The following GALNTL6 variants were observed in gnomAD, a reference collection of about 807,000 sequenced individuals.
GALNTL6 encodes polypeptide N-acetylgalactosaminyltransferase-like 6.
A neutral mutation model predicts 73.7 loss-of-function variants in GALNTL6; 46 were observed. That is an observed-to-expected ratio of 0.62 (90% CI 0.49 to 0.80). The LOEUF (loss-of-function observed/expected upper bound fraction) is 0.80. Among genes scored for constraint, GALNTL6 ranks in the 30% least tolerant of loss-of-function variants. The pLI, the probability that GALNTL6 is intolerant of heterozygous loss-of-function variation, is 0.00. For missense variants in GALNTL6, 604 were observed against 755.0 expected (o/e 0.80, Z 2.34); for synonymous variants, 259 against 263.7 (o/e 0.98, Z 0.17).
At chr4:172,731,509 T>C (rs1736148772) in intron 5 of GALNTL6, among the ~76,000 whole-genome samples, 1 of 152,150 alleles carries the variant, frequency 6.6e-6, no homozygotes, top group Admixed American at 6.5e-5. Context: ...ACCTTTGCTT[T>C]GTTGATCCTT....
In GALNTL6 at chr4:172,877,730, GA is replaced by G. The variant is rs953813688; in HGVS notation, c.924-5051del. Among the ~76,000 whole-genome samples the G allele has an allele frequency of 9.3e-5, 14 of 150,308 alleles. No homozygotes were observed. The South Asian group carries it at 2.1e-3, about 23-fold the overall frequency. On this transcript the variant is annotated intron_variant, in intron 7 of 12. Coordinates refer to ENST00000506823, the MANE Select transcript of GALNTL6 (RefSeq NM_001034845.3). ...AAGTCATGTATTTCTATGGCCTGTA[GA>G]AAAAAAAATCTTCAGTAAGAACCTG...
intron 10 of GALNTL6, among the ~76,000 whole-genome samples, chr4:172,991,003 G>C (rs1751515552): frequency 6.6e-6 from 1 of 152,250 alleles, no homozygotes; most frequent in East Asian, 1.9e-4. Flanking sequence ...TTCTTAAAAA[G>C]TTAATGAAGC....
chr4:172,930,811 C>G (rs1369159129), intron 8 of GALNTL6, among the ~76,000 whole-genome samples: 2 of 152,090 alleles, frequency 1.3e-5, no homozygotes, highest in African/African-American at 4.8e-5. Flanking sequence ...ACTGAAGGCG[C>G]ACACCACCAC....
At chr4:172,497,561 A>T (rs1734106912) in intron 5 of GALNTL6, among the ~76,000 whole-genome samples, 1 of 152,222 alleles carries the variant, frequency 6.6e-6, no homozygotes, top group Admixed American at 6.5e-5. Flanking sequence ...AAGCATCAGA[A>T]GTGTCAGTCT....
chr4:172,575,726 AT>A (rs1736935812), intron 5 of GALNTL6, among the ~76,000 whole-genome samples: 1 of 152,160 alleles, frequency 6.6e-6, no homozygotes, highest in Non-Finnish European at 1.5e-5. Flanking sequence ...GTTTTCTGAA[AT>A]GGATTTCCAG....
chr4:172,341,247 C>T lies in GALNTL6; in HGVS notation c.387-7276C>T, dbSNP rs561384882. 6.6e-5 allele frequency among the ~76,000 whole-genome samples: 10 copies of T among 151,490 alleles called. No individual in the cohort carries two copies. The South Asian group carries it at 1.3e-3, about 19-fold the overall frequency. The stretch of plus-strand genomic sequence containing the variant: ...CGGGCGGATCACGAGGTCAGGAGAT[C>T]GAGACCATCCCGGCTAAAACGGTGA... On this transcript the variant is annotated intron_variant, in intron 4 of 12. Coordinates refer to ENST00000506823, the MANE Select transcript of GALNTL6 (RefSeq NM_001034845.3).
chr4:172,951,986 C>CAA, intron 9 of GALNTL6, 51 bp from the exon 10 acceptor site: 1 of 1,465,118 alleles, frequency 6.8e-7, no homozygotes, highest in Non-Finnish European at 9.4e-7. Flanking sequence ...CAAAAAACAC[C>CAA]TTTTGAATGA....
intron 5 of GALNTL6, among the ~76,000 whole-genome samples, chr4:172,589,302 A>G: frequency 6.6e-6 from 1 of 152,234 alleles, no homozygotes; most frequent in South Asian, 2.1e-4. Flanking sequence ...ACATGTTTTC[A>G]CTTACATGTA....
chr4:172,324,567 T>C (rs1466362366), intron 4 of GALNTL6, among the ~76,000 whole-genome samples: 1 of 151,274 alleles, frequency 6.6e-6, no homozygotes, highest in Non-Finnish European at 1.5e-5. Context: ...AAATCACCAA[T>C]AAACAGGCTT....
At chr4:171,815,584 A>G (rs941454546) in intron 2 of GALNTL6, 2 of 152,218 alleles carry the variant, frequency 1.3e-5, no homozygotes, top group African/African-American at 4.8e-5. Context: ...ACGTTTAACA[A>G]CAGAATGCAG....
At chr4:171,849,217 A>G (rs891065454) in intron 2 of GALNTL6, among the ~76,000 whole-genome samples, 2 of 152,198 alleles carry the variant, frequency 1.3e-5, no homozygotes, top group Admixed American at 1.3e-4. Context: ...AAGCCGTTGC[A>G]GGGTTCTAAA....
intron 5 of GALNTL6, among the ~76,000 whole-genome samples, chr4:172,538,138 A>T (rs1452701926): frequency 1.3e-5 from 2 of 152,160 alleles, no homozygotes; most frequent in Non-Finnish European, 2.9e-5. Context: ...ATACACAGAC[A>T]TCAGAGAAGA....
chr4:172,032,009 T>G (rs1309059661), intron 2 of GALNTL6, among the ~76,000 whole-genome samples: 2 of 152,086 alleles, frequency 1.3e-5, no homozygotes. Flanking sequence ...AAGTCAGCAT[T>G]ACTTCTTTCT....
intron 3 of GALNTL6, among the ~76,000 whole-genome samples, chr4:172,232,143 C>A (rs941642114): frequency 6.6e-6 from 1 of 150,466 alleles, no homozygotes; most frequent in Non-Finnish European, 1.5e-5. Context: ...GAGTCAAAAT[C>A]AAATAAACAT....
chr4:172,653,148 T>C lies in GALNTL6; in HGVS notation c.554-156213T>C, dbSNP rs2100496. On this transcript the variant is annotated intron_variant, in intron 5 of 12. Transcript: ENST00000506823. The stretch of plus-strand genomic sequence containing the variant: ...ACCTTGTATGTTGTTGACAATCTCC[T>C]GCGACTTTCTTCAACAAATTTTGTC... Among the ~76,000 whole-genome samples the C allele has an allele frequency of 6.9e-3, 1,047 of 151,962 alleles. 8 individuals are homozygous for C. The highest frequency in any genetic ancestry group is 0.024 in the African/African-American group (1,003 of 41,476).
intron 8 of GALNTL6, among the ~76,000 whole-genome samples, chr4:172,925,007 G>T (rs988339141): frequency 2.0e-5 from 3 of 152,026 alleles, no homozygotes; most frequent in Admixed American, 6.6e-5. Context: ...GAGTACCTGG[G>T]ACTACAGGTG....
intron 5 of GALNTL6, among the ~76,000 whole-genome samples, chr4:172,553,247 C>T (rs182591972): frequency 2.0e-5 from 3 of 152,240 alleles, no homozygotes; most frequent in Non-Finnish European, 2.9e-5. Context: ...TGATCCTGGG[C>T]GATGGGAATA....
chr4:172,078,802 A>G (rs544750444), intron 2 of GALNTL6, among the ~76,000 whole-genome samples: 1 of 152,192 alleles, frequency 6.6e-6, no homozygotes, highest in Non-Finnish European at 1.5e-5. Context: ...AACATTTCCA[A>G]TTTTGAGTGC....
intron 5 of GALNTL6, among the ~76,000 whole-genome samples, chr4:172,435,644 C>T (rs1731609264): frequency 6.6e-6 from 1 of 151,984 alleles, no homozygotes; most frequent in African/African-American, 2.4e-5. Flanking sequence ...TCCCCAGAAA[C>T]TAAAATAGAT....
Sources: allele counts gnomAD v4.1 joint callset (sites outside exome capture counted in the v4.1 genomes callset), GRCh38; gene constraint gnomAD v4.1.1; transcripts MANE v1.5; gene names NCBI Gene and HGNC (gene_info 2026-07-23, HGNC 2026-07-21).